SIN3A: variants seen among roughly 807,000 people sequenced by gnomAD.
SIN3A encodes SIN3 transcription regulator family member A.
In SIN3A, 14 loss-of-function variants were observed where a neutral mutation model predicts 146.1. That is an observed-to-expected ratio of 0.10 (90% CI 0.06 to 0.15). The LOEUF (loss-of-function observed/expected upper bound fraction) is 0.15. Among genes scored for constraint, SIN3A ranks in the 10% least tolerant of loss-of-function variants. SIN3A has a pLI of 1.00. For synonymous variants in SIN3A, 572 were observed against 572.0 expected (o/e 1.00, Z 0.00); for missense variants, 1,028 against 1,576.0 (o/e 0.65, Z 5.89).
chr15:75,400,207 G>T, intron 11 of SIN3A, 51 bp from the exon 12 acceptor site: 1 of 979,762 alleles, frequency 1.0e-6, no homozygotes, highest in Non-Finnish European at 1.6e-6. Context: ...AAGCTTTCTG[G>T]TGATTAAGCA....
intron 3 of SIN3A, 131 bp from the exon 4 acceptor site, chr15:75,414,442 T>TAA: frequency 5.0e-6 from 2 of 403,574 alleles, no homozygotes; most frequent in Non-Finnish European, 8.7e-6. Context: ...ATTAAATATA[T>TAA]ACTTAAAAGT....
intron 9 of SIN3A, among the ~76,000 whole-genome samples, chr15:75,406,738 CT>C (rs2073524371): frequency 6.6e-6 from 1 of 152,190 alleles, no homozygotes; most frequent in Admixed American, 6.5e-5. Flanking sequence ...GGTACAGGCA[CT>C]GGTACTGCCT....
intron 1 of SIN3A, among the ~76,000 whole-genome samples, chr15:75,434,056 A>T (rs891902930): frequency 6.6e-6 from 1 of 152,202 alleles, no homozygotes; most frequent in Non-Finnish European, 1.5e-5. Flanking sequence ...AAATCCAGGA[A>T]ATCTGTCTCC....
intron 1 of SIN3A, among the ~76,000 whole-genome samples, chr15:75,436,141 A>T (rs923530461): frequency 2.0e-5 from 3 of 151,648 alleles, no homozygotes; most frequent in African/African-American, 7.3e-5. Context: ...CTCAAAAAAA[A>T]AACAAAAAAA....
upstream of SIN3A, chr15:75,453,022 T>C (rs2074433764): frequency 6.6e-6 from 1 of 152,170 alleles, no homozygotes; most frequent in Non-Finnish European, 1.5e-5. Flanking sequence ...CTGACGCTGA[T>C]CTTACTTTGG....
At position 75,410,039 on chromosome 15, in the gene SIN3A, A is replaced by C. The variant is rs780693572; in HGVS notation, c.1162-48T>G. ...ATTAATGCTCTTATCAAAGCAAACA[A>C]ATATCATCTAGGAAAAGTCCCCTTC... On this transcript the variant is annotated intron_variant, in intron 7 of 20. Coordinates refer to ENST00000394947, the MANE Select transcript of SIN3A (RefSeq NM_001145358.2). 4.4e-6 allele frequency: 7 copies of C among 1,608,364 alleles called. No individual in the cohort carries two copies. In the Admixed American group the frequency reaches 1.0e-4, roughly 23 times the overall value.
rs567298774 is a variant in SIN3A, at chr15:75,392,137, T to G, written c.2851+105A>C. On this transcript the variant is annotated intron_variant, in intron 15 of 20. Transcript: ENST00000394947. Reference sequence around the variant, plus strand: ...GTTCAGAGAGTTTAACTACACAGACTCTAATGCCTGTGCTCTATTAATAAA... The same window carrying G: ...GTTCAGAGAGTTTAACTACACAGACGCTAATGCCTGTGCTCTATTAATAAA... 6.9e-5 allele frequency: 69 copies of G among 1,000,846 alleles called. No individual in the cohort carries two copies. In the South Asian group the frequency reaches 1.0e-3, roughly 15 times the overall value. The allele number at this position is 1,000,846 out of a possible 1,614,324, so 62.0% of individuals were successfully genotyped here.
intron 1 of SIN3A, among the ~76,000 whole-genome samples, chr15:75,433,336 A>G (rs1300313455): frequency 6.6e-6 from 1 of 152,188 alleles, no homozygotes; most frequent in Non-Finnish European, 1.5e-5. Flanking sequence ...TATAAGGAAA[A>G]AGAAGATTGT....
At chr15:75,414,645 A>G (rs906826276) in intron 3 of SIN3A, among the ~76,000 whole-genome samples, 5 of 152,226 alleles carry the variant, frequency 3.3e-5, no homozygotes, top group African/African-American at 1.2e-4. Context: ...CAAGGATTCA[A>G]TGACAAATAA....
intron 1 of SIN3A, chr15:75,447,784 T>C (rs1057511467): frequency 6.6e-6 from 1 of 152,066 alleles, no homozygotes; most frequent in African/African-American, 2.4e-5. Flanking sequence ...TCCACTGTCA[T>C]GCTGAGAAAT....
chr15:75,436,907 G>T (rs753851813), intron 1 of SIN3A, among the ~76,000 whole-genome samples: 15 of 152,186 alleles, frequency 9.9e-5, no homozygotes, highest in Non-Finnish European at 2.1e-4. Context: ...TTGAAAATTA[G>T]AGATGAATTA....
chr15:75,375,225 A>G (rs2072832264), intron 20 of SIN3A, among the ~76,000 whole-genome samples: 2 of 152,188 alleles, frequency 1.3e-5, no homozygotes, highest in South Asian at 4.1e-4. Context: ...AAACAAACAA[A>G]AAATCATACA....
At chr15:75,436,435 C>G (rs2074109499) in intron 1 of SIN3A, 1 of 152,136 alleles carries the variant, frequency 6.6e-6, no homozygotes, top group Non-Finnish European at 1.5e-5. Flanking sequence ...CTCGCTACTG[C>G]ACTCGAGCCT....
At chr15:75,411,374 G>A (rs1047636390) in intron 6 of SIN3A, 118 bp downstream of exon 6, 5 of 1,137,246 alleles carry the variant, frequency 4.4e-6, no homozygotes, top group Non-Finnish European at 6.2e-6. Context: ...ATGCATGATA[G>A]TTTCTAACTG....
chr15:75,417,013 CTTCACTGGG>C (rs2073750193), intron 3 of SIN3A, among the ~76,000 whole-genome samples: 1 of 150,360 alleles, frequency 6.7e-6, no homozygotes, highest in South Asian at 2.1e-4. Context: ...TCAAATGAGA[CTTCACTGGG>C]TTTTATAGTG....
rs148530107 is a variant in SIN3A at position 75,377,482 on chromosome 15, G to A, written c.3384-1610C>T. On this transcript the variant is annotated intron_variant, in intron 19 of 20. Transcript: ENST00000394947. The stretch of plus-strand genomic sequence containing the variant: ...TCTAATAAAAGTACAAAAATTAGCC[G>A]GGAGTGGTGGCGCGCACCTGTAATC... Among the ~76,000 whole-genome samples, 1,392 of 152,034 alleles carry A rather than the reference G, an allele frequency of 9.2e-3. 19 individuals carry two copies. Among genetic ancestry groups the A allele is most frequent in the South Asian group, 0.037 (180 of 4,810 alleles).
intron 9 of SIN3A, among the ~76,000 whole-genome samples, 197 bp downstream of exon 9, chr15:75,406,858 A>G (rs1344299371): frequency 6.6e-6 from 1 of 152,218 alleles, no homozygotes; most frequent in East Asian, 1.9e-4. Context: ...CATAAAACCA[A>G]AGCAAACAAT....
At chr15:75,412,736 T>C (rs748721749) in intron 5 of SIN3A, 27 bp downstream of exon 5, 7 of 1,536,548 alleles carry the variant, frequency 4.6e-6, no homozygotes, top group South Asian at 2.6e-5. Flanking sequence ...TGCATTCATA[T>C]TGATGCAATA....
chr15:75,383,289 AG>A (rs2073010284), intron 17 of SIN3A, among the ~76,000 whole-genome samples: 1 of 151,600 alleles, frequency 6.6e-6, no homozygotes, highest in Non-Finnish European at 1.5e-5. Context: ...AAAAAAAAAA[AG>A]TTAAAGACCA....
Sources: gnomAD v4.1 joint callset for allele counts (sites outside exome capture counted in the v4.1 genomes callset) on GRCh38, gnomAD v4.1.1 for gene constraint, MANE v1.5 for transcripts, NCBI Gene and HGNC (gene_info 2026-07-23, HGNC 2026-07-21) for gene names.